The following MAF variants were observed in gnomAD, a reference collection of about 807,000 sequenced individuals.
MAF encodes MAF bZIP transcription factor.
MAF carries 10 observed loss-of-function variants against 22.0 expected under a neutral mutation model. The observed-to-expected ratio is 0.45, with a 90% CI of 0.28 to 0.77. The LOEUF (loss-of-function observed/expected upper bound fraction) is 0.77. MAF is among the 30% of genes least tolerant of loss of function. The pLI is 0.12. For synonymous variants in MAF, 337 were observed against 255.8 expected (o/e 1.32, Z -3.03); for missense variants, 544 against 548.4 (o/e 0.99, Z 0.08).
the MAF span, among the ~76,000 whole-genome samples, chr16:79,367,850 C>T: frequency 4.6e-5 from 7 of 152,232 alleles, no homozygotes; most frequent in Admixed American, 2.6e-4. Flanking sequence ...TATTCTGCTT[C>T]TGCAAGTCCT....
chr16:79,576,719 A>G, the MAF span, among the ~76,000 whole-genome samples: 1 of 152,184 alleles, frequency 6.6e-6, no homozygotes, highest in Non-Finnish European at 1.5e-5. Context: ...TTTTTATTCC[A>G]TATAATATTG....
chr16:79,571,400 C>G, the MAF span, among the ~76,000 whole-genome samples: 1 of 152,056 alleles, frequency 6.6e-6, no homozygotes, highest in African/African-American at 2.4e-5. Context: ...CTGATTCATG[C>G]CAAATCCCTA....
At chr16:79,541,925 G>A in the MAF span, among the ~76,000 whole-genome samples, 1 of 151,928 alleles carries the variant, frequency 6.6e-6, no homozygotes, top group Admixed American at 6.6e-5. Context: ...CAAAGTGCTG[G>A]GATTACAGAC....
the MAF span, among the ~76,000 whole-genome samples, chr16:79,497,544 ACT>A: frequency 6.6e-6 from 1 of 152,100 alleles, no homozygotes; most frequent in Non-Finnish European, 1.5e-5. Flanking sequence ...CTTGCCACAA[ACT>A]CTGCCAGGAG....
In MAF at chr16:79,599,886, G is replaced by C. The variant is rs1394443602; in HGVS notation, c.17C>G (p.Ala6Gly). Residue 6 changes from alanine (A) to glycine (G), a missense_variant, in exon 1 of 2, where the codon GCA becomes GGA. Ala to Gly is a moderately conservative substitution (Grantham distance 60). Around this residue, in one of 5 missense-constraint regions of MAF, gnomAD observed 63 missense variants for 72.7 expected, o/e 0.87. Transcript: ENST00000326043. MASEL[A>G]MSNSDLPTSP... Reference sequence around the variant, plus strand: ...GGTGGGCAGGTCGGAGTTGCTCATTGCCAGTTCTGATGCCATTCTCCTGCC... The same window carrying C: ...GGTGGGCAGGTCGGAGTTGCTCATTCCCAGTTCTGATGCCATTCTCCTGCC... 1 of 1,601,816 alleles carries C rather than the reference G, an allele frequency of 6.2e-7. No homozygotes were observed. The highest frequency in any genetic ancestry group is 2.2e-5 in the East Asian group (1 of 44,506).
At chr16:79,227,185 C>T in the MAF span, among the ~76,000 whole-genome samples, 1 of 151,914 alleles carries the variant, frequency 6.6e-6, no homozygotes, top group Admixed American at 6.6e-5. Context: ...GGTCTCAAAT[C>T]CCGTCTCTAC....
At chr16:79,391,866 GAGGAGA>G in the MAF span, among the ~76,000 whole-genome samples, 20 of 143,682 alleles carry the variant, frequency 1.4e-4, no homozygotes, top group Middle Eastern at 7.5e-3. Flanking sequence ...GAAGAAGGAG[GAGGAGA>G]AGGAGGAGGA....
At chr16:79,591,252 C>T (rs888059034), downstream of MAF, among the ~76,000 whole-genome samples, 2 of 152,182 alleles carry the variant, frequency 1.3e-5, no homozygotes, top group African/African-American at 2.4e-5. Context: ...GTCTGCAGCT[C>T]ACACCAAGGC....
At chr16:79,428,581 T>G in the MAF span, among the ~76,000 whole-genome samples, 1 of 152,108 alleles carries the variant, frequency 6.6e-6, no homozygotes, top group Non-Finnish European at 1.5e-5. Flanking sequence ...GGCTCACACC[T>G]GTAATCCCAG....
the MAF span, among the ~76,000 whole-genome samples, chr16:79,461,749 A>G: frequency 6.6e-6 from 1 of 152,190 alleles, no homozygotes; most frequent in Non-Finnish European, 1.5e-5. Context: ...ACATGTGCCC[A>G]TGTGGTTGGT....
the MAF span, among the ~76,000 whole-genome samples, chr16:79,226,598 G>C: frequency 6.6e-6 from 1 of 152,040 alleles, no homozygotes; most frequent in Non-Finnish European, 1.5e-5. Context: ...GGTAGGGTAT[G>C]ATCCCATTTT....
the MAF span, among the ~76,000 whole-genome samples, chr16:79,523,833 C>A: frequency 1.3e-5 from 2 of 152,206 alleles, no homozygotes; most frequent in Non-Finnish European, 2.9e-5. Flanking sequence ...TTCAGTTCCA[C>A]AGAAATGAAT....
At chr16:79,546,979 G>C in the MAF span, among the ~76,000 whole-genome samples, 2 of 152,104 alleles carry the variant, frequency 1.3e-5, no homozygotes, top group Non-Finnish European at 2.9e-5. Flanking sequence ...TGCAAATTTG[G>C]GGGTGATGAC....
the MAF span, among the ~76,000 whole-genome samples, chr16:79,215,837 C>T: frequency 6.6e-6 from 1 of 152,192 alleles, no homozygotes; most frequent in Non-Finnish European, 1.5e-5. Flanking sequence ...CAAAGCACAA[C>T]GTCCTACTCC....
chr16:79,414,460 A>G, the MAF span, among the ~76,000 whole-genome samples: 1 of 152,200 alleles, frequency 6.6e-6, no homozygotes, highest in Non-Finnish European at 1.5e-5. Flanking sequence ...GTGAGAACTC[A>G]TTATTACTGT....
At chr16:79,520,915 C>T in the MAF span, among the ~76,000 whole-genome samples, 6 of 152,178 alleles carry the variant, frequency 3.9e-5, no homozygotes, top group Non-Finnish European at 5.9e-5. Flanking sequence ...CGTCCTACAA[C>T]ACCCCTAGAA....
chr16:79,247,196 G>T, the MAF span, among the ~76,000 whole-genome samples: 4 of 152,218 alleles, frequency 2.6e-5, no homozygotes, highest in African/African-American at 9.6e-5. Flanking sequence ...CAAATAGCCA[G>T]TGTGAGAGCT....
the MAF span, among the ~76,000 whole-genome samples, chr16:79,271,393 C>T: frequency 6.6e-6 from 1 of 152,146 alleles, no homozygotes; most frequent in African/African-American, 2.4e-5. Context: ...ACAAATAAGG[C>T]CATTTGGTGC....
At chr16:79,356,113 G>A in the MAF span, among the ~76,000 whole-genome samples, 8 of 151,666 alleles carry the variant, frequency 5.3e-5, no homozygotes, top group Non-Finnish European at 8.8e-5. Context: ...ATTCAAGCAC[G>A]TACACACTCA....
Sources: allele counts gnomAD v4.1 joint callset (sites outside exome capture counted in the v4.1 genomes callset), GRCh38; gene constraint gnomAD v4.1.1; regional missense constraint gnomAD v4.1.1; transcripts MANE v1.5; gene names NCBI Gene and HGNC (gene_info 2026-07-23, HGNC 2026-07-21).